HYDIN: variants seen among roughly 807,000 people sequenced by gnomAD.
HYDIN encodes HYDIN axonemal central pair apparatus protein.
A neutral mutation model predicts 403.9 loss-of-function variants in HYDIN; 132 were observed. The observed-to-expected ratio is 0.33, with a 90% CI of 0.28 to 0.38. HYDIN has a LOEUF of 0.38. Ranked by LOEUF, HYDIN falls within the 10% of genes least tolerant of loss-of-function variation. The pLI is 1.00. For synonymous variants in HYDIN, 1,202 were observed against 1,891.7 expected, an observed-to-expected ratio of 0.64 and a Z score of 9.46; for missense variants, 2,827 against 5,009.5, an observed-to-expected ratio of 0.56 and a Z score of 13.15.
At chr16:71,158,688 T>G (rs1303151728) in intron 6 of HYDIN, among the ~76,000 whole-genome samples, 5 of 150,074 alleles carry the variant, frequency 3.3e-5, no homozygotes, top group Non-Finnish European at 7.4e-5. Flanking sequence ...GGTTTTTTTT[T>G]TTTTTTTTTT....
chr16:70,820,398 C>T (rs2036176728), intron 83 of HYDIN, among the ~76,000 whole-genome samples: 1 of 151,132 alleles, frequency 6.6e-6, no homozygotes, highest in South Asian at 2.1e-4. Context: ...TCACCATGGT[C>T]TCGATCTCCT....
intron 45 of HYDIN, among the ~76,000 whole-genome samples, chr16:70,922,338 G>C (rs536303434): frequency 6.6e-6 from 1 of 152,380 alleles, no homozygotes; most frequent in South Asian, 2.1e-4. Flanking sequence ...GTACTTGCAA[G>C]ACTGTGGGAG....
At chr16:70,916,370 C>T (rs1230022909) in intron 47 of HYDIN, among the ~76,000 whole-genome samples, 1 of 152,174 alleles carries the variant, frequency 6.6e-6, no homozygotes, top group Non-Finnish European at 1.5e-5. Context: ...ATTGACTCAG[C>T]TCCAGGTAAG....
chr16:71,050,371 G>A (rs1310490950), intron 18 of HYDIN, among the ~76,000 whole-genome samples: 3 of 129,808 alleles, frequency 2.3e-5, no homozygotes, highest in South Asian at 2.3e-4. Flanking sequence ...ACTAAGCATC[G>A]TAAACTACAG....
chr16:71,175,293 A>T (rs2086626675), intron 5 of HYDIN, among the ~76,000 whole-genome samples: 1 of 151,914 alleles, frequency 6.6e-6, no homozygotes, highest in Non-Finnish European at 1.5e-5. Context: ...ACCCACCAAC[A>T]CTACTAATAG....
intron 84 of HYDIN, among the ~76,000 whole-genome samples, chr16:70,813,396 G>T (rs1476121752): frequency 1.3e-5 from 2 of 152,068 alleles, no homozygotes; most frequent in African/African-American, 4.8e-5. Flanking sequence ...GGGAGCTAAG[G>T]CCTTTCCAGC....
At chr16:71,152,440 G>A (rs2085574791) in intron 7 of HYDIN, among the ~76,000 whole-genome samples, 1 of 149,874 alleles carries the variant, frequency 6.7e-6, no homozygotes, top group South Asian at 2.1e-4. Flanking sequence ...AGTGATTTCT[G>A]AGATTTTGGT....
intron 1 of HYDIN, among the ~76,000 whole-genome samples, chr16:71,213,016 G>A (rs1417319347): frequency 6.6e-6 from 1 of 152,120 alleles, no homozygotes; most frequent in African/African-American, 2.4e-5. Context: ...GAAGCCAGAA[G>A]ACAGTAGGAT....
chr16:70,942,948 T>G (rs1228804918), intron 42 of HYDIN, among the ~76,000 whole-genome samples: 1 of 152,072 alleles, frequency 6.6e-6, no homozygotes, highest in Non-Finnish European at 1.5e-5. Flanking sequence ...TTGAAAGTGA[T>G]GTACCTTTAA....
chr16:70,864,399 G>GTTTTTTTC (rs2039617622), intron 67 of HYDIN, among the ~76,000 whole-genome samples: 1 of 97,490 alleles, frequency 1.0e-5, no homozygotes, highest in Non-Finnish European at 2.0e-5. Flanking sequence ...GGGAGGCAGA[G>GTTTTTTTC]TTTTTTTCTG....
At chr16:71,024,206 A>C (rs2080604536) in intron 21 of HYDIN, among the ~76,000 whole-genome samples, 1 of 152,340 alleles carries the variant, frequency 6.6e-6, no homozygotes, top group East Asian at 1.9e-4. Flanking sequence ...CAAAGTTCAG[A>C]TAATGCCTTC....
intron 18 of HYDIN, among the ~76,000 whole-genome samples, chr16:71,057,747 C>G (rs2081947652): frequency 6.6e-6 from 1 of 150,402 alleles, no homozygotes; most frequent in African/African-American, 2.4e-5. Flanking sequence ...AACAAATTTA[C>G]AAGAAAAAAA....
chr16:70,882,561 C>G lies in HYDIN; in HGVS notation c.10215+99G>C, dbSNP rs2040874819. ...AACTTCCAGCAGGGCCAGATAATTT[C>G]CACTCACGCATACAGGCTCCAGAGC... On this transcript the variant is annotated intron_variant, in intron 60 of 85. Coordinates refer to ENST00000393567, the MANE Select transcript of HYDIN (RefSeq NM_001270974.2). The G allele has an allele frequency of 5.0e-6, 3 of 604,380 alleles. No homozygotes were observed. The South Asian group carries it at 5.9e-5, about 12-fold the overall frequency. 37.4% of individuals were successfully genotyped at this position (604,380 alleles called of 1,614,324 possible).
At chr16:71,095,420 A>T (rs1472733604) in intron 10 of HYDIN, among the ~76,000 whole-genome samples, 2 of 149,182 alleles carry the variant, frequency 1.3e-5, no homozygotes, top group African/African-American at 4.9e-5. Flanking sequence ...CCCAATTCTT[A>T]ACATTATTCC....
intron 45 of HYDIN, among the ~76,000 whole-genome samples, chr16:70,930,819 G>C (rs1424794551): frequency 6.6e-6 from 1 of 152,118 alleles, no homozygotes; most frequent in Non-Finnish European, 1.5e-5. Flanking sequence ...ACATTCTTTG[G>C]AGAATTATAA....
chr16:71,194,656 A>C (rs888188182), intron 1 of HYDIN, among the ~76,000 whole-genome samples: 2 of 152,238 alleles, frequency 1.3e-5, no homozygotes, highest in African/African-American at 4.8e-5. Flanking sequence ...TAAAAACAAC[A>C]ATAATAAACA....
chr16:70,977,621 A>G (rs1326799363), intron 30 of HYDIN, among the ~76,000 whole-genome samples: 1 of 138,108 alleles, frequency 7.2e-6, no homozygotes, highest in Admixed American at 7.8e-5. Context: ...TTAGAACAAT[A>G]TTCGCATGCA....
chr16:70,920,814 G>T lies in HYDIN; in HGVS notation c.7562C>A (p.Thr2521Lys). 2 of 1,566,342 alleles carry T rather than the reference G, an allele frequency of 1.3e-6. No homozygotes were observed. The highest frequency in any genetic ancestry group is 1.7e-6 in the Non-Finnish European group (2 of 1,154,738). The change falls in exon 46 of 86, where the codon ACG becomes AAG. Residue 2521 changes from threonine to lysine, a missense_variant. Physicochemically the swap from Thr to Lys is moderately conservative, Grantham distance 78 (BLOSUM62 -1). Coordinates refer to ENST00000393567, the MANE Select transcript of HYDIN (RefSeq NM_001270974.2). Reference protein sequence around the residue: ...RERERLEKERTEKERLEREKA... With the variant: ...RERERLEKERKEKERLEREKA... ...CTCCCTCTCCAGGCGCTCCTTCTCC[G>T]TGCGCTCCTTCTCCAGGCGCTCTCT...
intron 73 of HYDIN, among the ~76,000 whole-genome samples, chr16:70,854,171 C>T (rs7404766): frequency 4.6e-5 from 7 of 152,134 alleles, no homozygotes; most frequent in Admixed American, 2.0e-4. Context: ...TAAGCCACCA[C>T]GCCCAGCAGT....
Sources: allele counts gnomAD v4.1 joint callset (sites outside exome capture counted in the v4.1 genomes callset), GRCh38; gene constraint gnomAD v4.1.1; transcripts MANE v1.5; gene names NCBI Gene and HGNC (gene_info 2026-07-23, HGNC 2026-07-21).